DYRK1A: variants seen among roughly 807,000 people sequenced by gnomAD.
The protein encoded by DYRK1A is dual specificity tyrosine phosphorylation regulated kinase 1A, also known as dual specificity tyrosine-phosphorylation-regulated kinase 1A.
A neutral mutation model predicts 79.7 loss-of-function variants in DYRK1A; 9 were observed. The ratio of observed to expected loss-of-function variants is 0.11; its 90% confidence interval spans 0.07 to 0.20. DYRK1A has a LOEUF of 0.20. DYRK1A is among the 10% of genes least tolerant of loss of function. The pLI is 1.00. For synonymous variants in DYRK1A, 349 were observed against 329.7 expected (o/e 1.06, Z -0.63); for missense variants, 622 against 956.0 (o/e 0.65, Z 4.61).
chr21:37,444,942 G>A (rs2051220626), intron 2 of DYRK1A, among the ~76,000 whole-genome samples: 1 of 152,090 alleles, frequency 6.6e-6, no homozygotes, highest in Non-Finnish European at 1.5e-5. Flanking sequence ...GTAGGAAGAG[G>A]GGAAGTGACT....
At chr21:37,474,622 TC>T (rs1286292855) in intron 3 of DYRK1A, among the ~76,000 whole-genome samples, 1 of 152,224 alleles carries the variant, frequency 6.6e-6, no homozygotes, top group African/African-American at 2.4e-5. Flanking sequence ...TCATATCTGT[TC>T]CTTGGGTGTC....
At chr21:37,379,247 C>T (rs1048446959) in intron 1 of DYRK1A, among the ~76,000 whole-genome samples, 1 of 151,914 alleles carries the variant, frequency 6.6e-6, no homozygotes, top group Middle Eastern at 3.2e-3. Context: ...GTTTGGAAGG[C>T]AGGACCATTC....
intron 1 of DYRK1A, among the ~76,000 whole-genome samples, chr21:37,405,843 C>T (rs143898538): frequency 5.6e-4 from 85 of 152,264 alleles, no homozygotes; most frequent in Non-Finnish European, 9.7e-4. Flanking sequence ...AAGCCTCACT[C>T]TACATCTTCA....
intron 2 of DYRK1A, among the ~76,000 whole-genome samples, chr21:37,429,911 A>C (rs984450372): frequency 3.9e-5 from 6 of 152,178 alleles, no homozygotes; most frequent in African/African-American, 1.4e-4. Flanking sequence ...TGCCTCCATG[A>C]TTTTTAATAC....
At chr21:37,495,409 G>A (rs2053238133) in intron 8 of DYRK1A, among the ~76,000 whole-genome samples, 2 of 152,148 alleles carry the variant, frequency 1.3e-5, no homozygotes, top group Admixed American at 6.5e-5. Flanking sequence ...TGTAATCCCA[G>A]CACTTTGGGA....
At chr21:37,418,512 T>G (rs888513163) in intron 1 of DYRK1A, among the ~76,000 whole-genome samples, 1 of 152,286 alleles carries the variant, frequency 6.6e-6, no homozygotes, top group African/African-American at 2.4e-5. Flanking sequence ...GAGGTGTAAG[T>G]AGCATTGTAA....
intron 1 of DYRK1A, 54 bp from the exon 2 acceptor site, chr21:37,420,245 G>T: frequency 3.3e-6 from 2 of 603,854 alleles, no homozygotes; most frequent in South Asian, 5.9e-5. Context: ...TCCTCAGTTG[G>T]GGTAATTGTC....
rs1004195350 is a variant in DYRK1A at position 37,525,686 on chromosome 21, A to G, written c.*13155A>G. The G allele has an allele frequency of 3.5e-4, 53 of 152,372 alleles. No individual in the cohort carries two copies. The highest frequency in any genetic ancestry group is 1.2e-3 in the African/African-American group (49 of 41,600). 9.4% of individuals were successfully genotyped at this position (152,372 alleles called of 1,614,324 possible). A position where few individuals can be genotyped will look rare whatever the true frequency, so the allele number is the denominator to read the frequency against. On this transcript the variant is annotated 3_prime_UTR_variant, in exon 12 of 12. Transcript: ENST00000647188. ...TGAGAAATATTTGAATCTATCATGC[A>G]TTATTGAACCAGTATTGTCAATAGT...
At chr21:37,402,665 A>G (rs1458646404) in intron 1 of DYRK1A, among the ~76,000 whole-genome samples, 1 of 151,938 alleles carries the variant, frequency 6.6e-6, no homozygotes, top group South Asian at 2.1e-4. Context: ...TGCATTATAC[A>G]ACTTGATATT....
At chr21:37,460,929 A>G (rs1601163000) in intron 2 of DYRK1A, among the ~76,000 whole-genome samples, 1 of 152,294 alleles carries the variant, frequency 6.6e-6, no homozygotes, top group East Asian at 1.9e-4. Context: ...TATGGAATCC[A>G]GCAGCTATAT....
At chr21:37,428,816 C>CTACA (rs1478304593) in intron 2 of DYRK1A, 2 of 121,620 alleles carry the variant, frequency 1.6e-5, no homozygotes, top group East Asian at 4.9e-4. Context: ...TAGATCATCT[C>CTACA]CTCAAAAGGT....
chr21:37,480,584 C>A, intron 4 of DYRK1A, 54 bp from the exon 5 acceptor site: 1 of 1,373,640 alleles, frequency 7.3e-7, no homozygotes, highest in South Asian at 1.5e-5. Context: ...CTGATAATGC[C>A]CTTCCTCACA....
chr21:37,385,183 T>G (rs1210883948), intron 1 of DYRK1A, among the ~76,000 whole-genome samples: 1 of 152,192 alleles, frequency 6.6e-6, no homozygotes, highest in Admixed American at 6.5e-5. Flanking sequence ...TGTTTATCTC[T>G]TGCTAAATGA....
chr21:37,417,506 C>A (rs142110900), intron 1 of DYRK1A, among the ~76,000 whole-genome samples: 1 of 70,490 alleles, frequency 1.4e-5, no homozygotes, highest in African/African-American at 6.0e-5. Flanking sequence ...TTTTATTTTT[C>A]TTTTCTTTTT....
rs2148671533 is a variant in DYRK1A at position 37,518,086 on chromosome 21, C to G, written c.*5555C>G. 6.6e-6 allele frequency: 1 copy of G among 152,352 alleles called. No homozygotes were observed. The highest frequency in any genetic ancestry group is 1.9e-4 in the East Asian group (1 of 5,188). The allele number at this position is 152,352 out of a possible 1,614,324, so 9.4% of individuals were successfully genotyped here. On this transcript the variant is annotated 3_prime_UTR_variant, in exon 12 of 12. Coordinates refer to ENST00000647188, the MANE Select transcript of DYRK1A (RefSeq NM_001347721.2). Reference sequence around the variant, plus strand: ...TTTAATACGGGGTTTTGCTGAGTTGCTCAGGCGCTCCTCAAACTGCTGGCC... The same window carrying G: ...TTTAATACGGGGTTTTGCTGAGTTGGTCAGGCGCTCCTCAAACTGCTGGCC...
chr21:37,388,676 G>A (rs767632557), intron 1 of DYRK1A, among the ~76,000 whole-genome samples: 1 of 148,270 alleles, frequency 6.7e-6, no homozygotes, highest in Non-Finnish European at 1.5e-5. Context: ...TCGGAGTCTC[G>A]CTCTGTCGCC....
intron 1 of DYRK1A, among the ~76,000 whole-genome samples, chr21:37,397,040 A>T (rs1330358386): frequency 6.6e-6 from 1 of 152,144 alleles, no homozygotes; most frequent in Non-Finnish European, 1.5e-5. Context: ...AGCTCAGAAG[A>T]TGCAGAGTAG....
intron 4 of DYRK1A, among the ~76,000 whole-genome samples, chr21:37,479,641 A>T: frequency 2.8e-4 from 7 of 25,356 alleles, no homozygotes; most frequent in Admixed American, 7.2e-4. Context: ...TTTTTTGGAG[A>T]CAGAGTCTCA....
At position 37,498,099 on chromosome 21, in the gene DYRK1A, TA is replaced by T. The variant is rs551478642; in HGVS notation, c.1212+1842del. On this transcript the variant is annotated intron_variant, in intron 9 of 11. Transcript: ENST00000647188. ...CTCTTTGTGGTTTGTTTACTGATTT[TA>T]TTTTTACTTTTAATTTTTCATTTTA... Among the ~76,000 whole-genome samples the T allele has an allele frequency of 2.0e-5, 3 of 152,310 alleles. No homozygotes were observed. The South Asian group carries it at 6.2e-4, about 32-fold the overall frequency.
Sources: allele counts gnomAD v4.1 joint callset (sites outside exome capture counted in the v4.1 genomes callset), GRCh38; gene constraint gnomAD v4.1.1; transcripts MANE v1.5; gene names NCBI Gene and HGNC (gene_info 2026-07-23, HGNC 2026-07-21).